Variants in TMEM178B observed in about 807,000 individuals in gnomAD.
TMEM178B encodes transmembrane protein 178B.
TMEM178B carries 5 observed loss-of-function variants against 31.0 expected under a neutral mutation model. That is an observed-to-expected ratio of 0.16 (90% CI 0.08 to 0.34). The LOEUF (loss-of-function observed/expected upper bound fraction) is 0.34. Ranked by LOEUF, TMEM178B falls within the 10% of genes least tolerant of loss-of-function variation. TMEM178B has a pLI of 1.00. For synonymous variants in TMEM178B, 164 were observed against 164.0 expected (o/e 1.00, Z 0.00); for missense variants, 275 against 400.3 (o/e 0.69, Z 2.67).
chr7:141,224,093 G>C (rs998369574), intron 2 of TMEM178B, among the ~76,000 whole-genome samples: 1 of 152,084 alleles, frequency 6.6e-6, no homozygotes, highest in Non-Finnish European at 1.5e-5. Flanking sequence ...TTTATAAAGC[G>C]TTTCCCGTTT....
At chr7:141,499,816 A>G in the TMEM178B span, among the ~76,000 whole-genome samples, 1 of 152,244 alleles carries the variant, frequency 6.6e-6, no homozygotes, top group Non-Finnish European at 1.5e-5. Context: ...TGATTTCAAG[A>G]TCAATCACAC....
chr7:141,417,089 C>T (rs968442589), intron 2 of TMEM178B, among the ~76,000 whole-genome samples: 8 of 152,298 alleles, frequency 5.3e-5, no homozygotes, highest in African/African-American at 9.6e-5. Context: ...GCACTGTCGA[C>T]GGTTCCTGGC....
chr7:141,140,403 T>C (rs965251281), intron 1 of TMEM178B, among the ~76,000 whole-genome samples: 3 of 152,230 alleles, frequency 2.0e-5, no homozygotes, highest in Non-Finnish European at 4.4e-5. Context: ...ATAGACTTTA[T>C]TTTTTAGAAC....
intron 2 of TMEM178B, among the ~76,000 whole-genome samples, chr7:141,395,275 C>T (rs969442007): frequency 6.6e-6 from 1 of 152,076 alleles, no homozygotes; most frequent in Admixed American, 6.5e-5. Context: ...CCCATCTCTA[C>T]AAAAAATACA....
chr7:141,177,542 G>A (rs945674271), intron 1 of TMEM178B, among the ~76,000 whole-genome samples: 2 of 152,036 alleles, frequency 1.3e-5, no homozygotes, highest in African/African-American at 4.8e-5. Flanking sequence ...TTGACAGTGG[G>A]GTGTTAAAGT....
intron 2 of TMEM178B, among the ~76,000 whole-genome samples, chr7:141,363,629 A>G (rs1799953854): frequency 6.6e-6 from 1 of 152,238 alleles, no homozygotes; most frequent in Non-Finnish European, 1.5e-5. Context: ...ACGAAGAATT[A>G]TCCCCTTCTG....
chr7:141,324,451 T>G (rs1353800756), intron 2 of TMEM178B, among the ~76,000 whole-genome samples: 43 of 131,426 alleles, frequency 3.3e-4, no homozygotes, highest in African/African-American at 1.1e-3. Flanking sequence ...TTTTTTTTTT[T>G]TTCCTGAGCG....
intron 1 of TMEM178B, among the ~76,000 whole-genome samples, chr7:141,206,181 T>C (rs1436390359): frequency 6.6e-6 from 1 of 152,218 alleles, no homozygotes; most frequent in African/African-American, 2.4e-5. Context: ...GTTGTCATGC[T>C]ATGTTTGGGT....
intron 1 of TMEM178B, among the ~76,000 whole-genome samples, chr7:141,190,157 G>T (rs1030136908): frequency 6.6e-6 from 1 of 152,186 alleles, no homozygotes; most frequent in Non-Finnish European, 1.5e-5. Flanking sequence ...AATAACAGCA[G>T]TAGAAAATGC....
chr7:141,229,252 T>A (rs1797401997), intron 2 of TMEM178B, among the ~76,000 whole-genome samples: 1 of 152,036 alleles, frequency 6.6e-6, no homozygotes, highest in Non-Finnish European at 1.5e-5. Flanking sequence ...CAAGATTTTT[T>A]AAGAGTTGTC....
chr7:141,176,333 T>G (rs1232071254), intron 1 of TMEM178B, among the ~76,000 whole-genome samples: 3 of 152,226 alleles, frequency 2.0e-5, no homozygotes, highest in Non-Finnish European at 4.4e-5. Flanking sequence ...GGATAAGCTT[T>G]CTGATGTGCT....
At chr7:141,099,138 A>G (rs1239971607) in intron 1 of TMEM178B, among the ~76,000 whole-genome samples, 1 of 152,134 alleles carries the variant, frequency 6.6e-6, no homozygotes, top group African/African-American at 2.4e-5. Flanking sequence ...CCTTCAGAAT[A>G]TTTTCCTCCT....
chr7:141,158,899 A>G (rs556200237), intron 1 of TMEM178B, among the ~76,000 whole-genome samples: 1 of 152,314 alleles, frequency 6.6e-6, no homozygotes, highest in East Asian at 1.9e-4. Context: ...AGGGAGCCTG[A>G]GAGAATGAAG....
the TMEM178B span, among the ~76,000 whole-genome samples, chr7:141,492,664 C>T: frequency 1.3e-5 from 2 of 152,298 alleles, no homozygotes; most frequent in East Asian, 1.9e-4. Context: ...ATAAATTCTG[C>T]TTGTTCCTTC....
chr7:141,096,769 A>G (rs185348710), intron 1 of TMEM178B, among the ~76,000 whole-genome samples: 1 of 152,224 alleles, frequency 6.6e-6, no homozygotes, highest in African/African-American at 2.4e-5. Flanking sequence ...AAAGGGGATC[A>G]TGGGAACCTT....
At chr7:141,215,782 CT>C (rs1797124195) in intron 2 of TMEM178B, among the ~76,000 whole-genome samples, 2 of 41,298 alleles carry the variant, frequency 4.8e-5, no homozygotes, top group Non-Finnish European at 9.8e-5. Context: ...ACTTTCCTTT[CT>C]TTCTTTCTTT....
rs527649633 is a variant in TMEM178B, at chr7:141,253,173, G to A, written c.496+40469G>A. Among the ~76,000 whole-genome samples the A allele has an allele frequency of 3.9e-5, 6 of 152,276 alleles. No individual in the cohort carries two copies. In the South Asian group the frequency reaches 1.0e-3, roughly 26 times the overall value. On this transcript the variant is annotated intron_variant, in intron 2 of 3. Transcript: ENST00000565468. ...ACAATTCCCTCCCCTGGTTCCTCAG[G>A]CCTAGGGGCAGTATCTGCTTCCCCC... is the stretch of plus-strand genomic sequence containing the variant.
chr7:141,289,906 G>C (rs574204159), intron 2 of TMEM178B, among the ~76,000 whole-genome samples: 1 of 151,826 alleles, frequency 6.6e-6, no homozygotes, highest in Non-Finnish European at 1.5e-5. Flanking sequence ...AGGCTGAAGC[G>C]GGAGGATCAT....
At chr7:141,139,996 C>T (rs1795744942) in intron 1 of TMEM178B, among the ~76,000 whole-genome samples, 1 of 152,168 alleles carries the variant, frequency 6.6e-6, no homozygotes, top group African/African-American at 2.4e-5. Flanking sequence ...GAACTCCCGA[C>T]TTCAGGTCAT....
Sources: allele counts gnomAD v4.1 joint callset (sites outside exome capture counted in the v4.1 genomes callset), GRCh38; gene constraint gnomAD v4.1.1; transcripts MANE v1.5; gene names NCBI Gene and HGNC (gene_info 2026-07-23, HGNC 2026-07-21).